Variants in CAMK1D observed in about 807,000 individuals in gnomAD.
The protein encoded by CAMK1D is calcium/calmodulin dependent protein kinase ID, also known as calcium/calmodulin-dependent protein kinase type 1D.
Under a neutral mutation model 47.7 loss-of-function variants are expected in CAMK1D, and 9 were observed. The observed-to-expected ratio is 0.19, with a 90% confidence interval of 0.11 to 0.33. CAMK1D has a LOEUF of 0.33. Ranked by LOEUF, CAMK1D falls within the 10% of genes least tolerant of loss-of-function variation. The pLI is 1.00. For missense variants in CAMK1D, 291 were observed against 488.7 expected (o/e 0.60, Z 3.81); for synonymous variants, 184 against 184.9 (o/e 0.99, Z 0.04).
chr10:12,405,549 T>C lies in CAMK1D; in HGVS notation c.92+55639T>C, dbSNP rs534559232. On this transcript the variant is annotated intron_variant, in intron 1 of 10. Coordinates refer to ENST00000619168, the MANE Select transcript of CAMK1D (RefSeq NM_153498.4). ...GCCCGTCTTTAAAAATTAGCCACAG[T>C]CTAGCACGTATAAACAGATAGGACA... is the stretch of plus-strand genomic sequence containing the variant. Among the ~76,000 whole-genome samples the C allele has an allele frequency of 1.6e-3, 238 of 152,306 alleles. 2 individuals are homozygous for C. Among genetic ancestry groups the C allele is most frequent in the African/African-American group, 5.6e-3 (234 of 41,556 alleles).
At position 12,829,858 on chromosome 10, in the gene CAMK1D, A is replaced by C. The variant is rs1588978502; in HGVS notation, c.*971A>C. 1 of 152,172 alleles carries C rather than the reference A, an allele frequency of 6.6e-6. No homozygotes were observed. Among genetic ancestry groups the C allele is most frequent in the East Asian group, 1.9e-4 (1 of 5,174 alleles). The allele number at this position is 152,172 out of a possible 1,614,324, so 9.4% of individuals were successfully genotyped here. On this transcript the variant is annotated 3_prime_UTR_variant, in exon 11 of 11. Transcript: ENST00000619168. ...GGAGGAGGGGCCCCTCAGTTCTGCG[A>C]GGCTCTCTTCTCTGCGGGGGACTTT...
intron 1 of CAMK1D, among the ~76,000 whole-genome samples, chr10:12,407,330 G>A (rs555835560): frequency 1.3e-5 from 2 of 152,344 alleles, no homozygotes; most frequent in East Asian, 3.9e-4. Context: ...CACTGCCAGG[G>A]GAAGGGAACT....
chr10:12,666,018 C>T (rs1840417916), intron 2 of CAMK1D, among the ~76,000 whole-genome samples: 1 of 152,218 alleles, frequency 6.6e-6, no homozygotes, highest in South Asian at 2.1e-4. Context: ...CTGGGCTCTG[C>T]CCTCAACTTG....
chr10:12,387,498 TGTG>T lies in CAMK1D; in HGVS notation c.92+37589_92+37591del, dbSNP rs770337252. 2.2e-3 allele frequency among the ~76,000 whole-genome samples: 308 copies of T among 138,830 alleles called. 4 individuals carry two copies. Among genetic ancestry groups the T allele is most frequent in the Middle Eastern group, 3.6e-3 (1 of 274 alleles). 91.1% of individuals were successfully genotyped at this position (138,830 alleles called of 152,430 possible). ...TAAACTCTTAATGAAAGTTATATTA[TGTG>T]TATCTCGGTTGCTTTTTTTTTTTGA... On this transcript the variant is annotated intron_variant, in intron 1 of 10. Transcript: ENST00000619168.
chr10:12,822,484 G>A (rs1210070594), intron 8 of CAMK1D, among the ~76,000 whole-genome samples: 2 of 152,248 alleles, frequency 1.3e-5, no homozygotes, highest in Admixed American at 6.5e-5. Flanking sequence ...ACAGAGTATA[G>A]GCAGCAGGCC....
intron 2 of CAMK1D, among the ~76,000 whole-genome samples, chr10:12,627,103 A>G (rs1194165988): frequency 2.2e-5 from 3 of 133,346 alleles, no homozygotes; most frequent in Non-Finnish European, 4.7e-5. Flanking sequence ...TTTTTTTGAG[A>G]CAGAGTCTTG....
At chr10:12,419,381 A>G (rs966572767) in intron 1 of CAMK1D, among the ~76,000 whole-genome samples, 1 of 152,212 alleles carries the variant, frequency 6.6e-6, no homozygotes, top group African/African-American at 2.4e-5. Context: ...AACACTGCGC[A>G]GTAACATTTT....
intron 1 of CAMK1D, among the ~76,000 whole-genome samples, chr10:12,467,706 A>G (rs1833633705): frequency 6.6e-6 from 1 of 152,188 alleles, no homozygotes; most frequent in Admixed American, 6.5e-5. Context: ...GGCATAGCCC[A>G]TTGTAGGGAT....
chr10:12,553,812 G>A (rs1018280098), intron 2 of CAMK1D, among the ~76,000 whole-genome samples: 4 of 152,196 alleles, frequency 2.6e-5, no homozygotes, highest in Non-Finnish European at 5.9e-5. Context: ...TGTCGCCACC[G>A]CTGTGAGTAC....
At chr10:12,431,177 G>A (rs1198867402) in intron 1 of CAMK1D, among the ~76,000 whole-genome samples, 1 of 152,156 alleles carries the variant, frequency 6.6e-6, no homozygotes, top group African/African-American at 2.4e-5. Context: ...TATTCTTGTA[G>A]TAGAGAAAGG....
In CAMK1D at chr10:12,712,083, G is replaced by A. The variant is rs534441144; in HGVS notation, c.299+45273G>A. On this transcript the variant is annotated intron_variant, in intron 3 of 10. Transcript: ENST00000619168. ...TTGATGCTTTTGAGGGGCAGAGTAG[G>A]TTTATTTGCTGATTTGTGCATTTTA... 1.1e-4 allele frequency among the ~76,000 whole-genome samples: 16 copies of A among 152,280 alleles called. No individual in the cohort carries two copies. The South Asian group carries it at 3.3e-3, about 32-fold the overall frequency.
intron 2 of CAMK1D, among the ~76,000 whole-genome samples, chr10:12,558,979 G>T (rs947552865): frequency 6.6e-6 from 1 of 152,112 alleles, no homozygotes; most frequent in African/African-American, 2.4e-5. Flanking sequence ...AGCCCTGGCT[G>T]CACCTTAAAA....
intron 2 of CAMK1D, among the ~76,000 whole-genome samples, chr10:12,575,604 G>T (rs1837467703): frequency 6.6e-6 from 1 of 152,168 alleles, no homozygotes. Flanking sequence ...GAAAGAAAAT[G>T]GTAGCACTTC....
Position 12,496,898 on chromosome 10 carries a change from C to T in CAMK1D, c.93-56327C>T, listed in dbSNP as rs111639302. Among the ~76,000 whole-genome samples, 1,513 of 152,248 alleles carry T rather than the reference C, an allele frequency of 9.9e-3. 23 individuals carry two copies. The highest frequency in any genetic ancestry group is 0.034 in the African/African-American group (1,429 of 41,536). On this transcript the variant is annotated intron_variant, in intron 1 of 10. Coordinates refer to ENST00000619168, the MANE Select transcript of CAMK1D (RefSeq NM_153498.4). The stretch of plus-strand genomic sequence containing the variant: ...AATGCTCTCCTTCCCCCCACAGCCA[C>T]CTCCCAACAGGCACCAGTGTGTGGT...
At chr10:12,767,247 G>A (rs1046349992) in intron 4 of CAMK1D, among the ~76,000 whole-genome samples, 3 of 152,012 alleles carry the variant, frequency 2.0e-5, no homozygotes, top group Non-Finnish European at 4.4e-5. Context: ...GCGCACTATC[G>A]GCTCACTGCA....
chr10:12,530,237 C>T (rs947388937), intron 1 of CAMK1D, among the ~76,000 whole-genome samples: 6 of 152,228 alleles, frequency 3.9e-5, no homozygotes, highest in Non-Finnish European at 1.5e-5. Flanking sequence ...CACGGGAACA[C>T]AGTGAGGCTG....
chr10:12,577,412 C>T (rs914245595), intron 2 of CAMK1D, among the ~76,000 whole-genome samples: 10 of 152,182 alleles, frequency 6.6e-5, no homozygotes, highest in African/African-American at 1.9e-4. Context: ...GGATTCAGAT[C>T]GTTACAGGCC....
chr10:12,535,052 G>C (rs1352250192), intron 1 of CAMK1D, among the ~76,000 whole-genome samples: 2 of 152,180 alleles, frequency 1.3e-5, no homozygotes, highest in African/African-American at 4.8e-5. Flanking sequence ...TTGCTGCCCT[G>C]GTGACGTCAG....
chr10:12,697,700 A>C (rs989322063), intron 3 of CAMK1D, among the ~76,000 whole-genome samples: 4 of 152,192 alleles, frequency 2.6e-5, no homozygotes, highest in African/African-American at 4.8e-5. Flanking sequence ...CACCCAGCCA[A>C]ATGCAAAGAT....
Sources: allele counts gnomAD v4.1 joint callset (sites outside exome capture counted in the v4.1 genomes callset), GRCh38; gene constraint gnomAD v4.1.1; transcripts MANE v1.5; gene names NCBI Gene and HGNC (gene_info 2026-07-23, HGNC 2026-07-21).